Variants in TRERF1 observed in about 807,000 individuals in gnomAD.
TRERF1 encodes transcriptional-regulating factor 1.
A neutral mutation model predicts 122.9 loss-of-function variants in TRERF1; 27 were observed. That is an observed-to-expected ratio of 0.22 (90% CI 0.16 to 0.30). The LOEUF is 0.30. TRERF1 is among the 10% of genes least tolerant of loss of function. The probability of loss-of-function intolerance (pLI) is 1.00; values close to 1 mark genes in which losing one functional copy is unlikely to be tolerated. For synonymous variants in TRERF1, 636 were observed against 641.7 expected (o/e 0.99, Z 0.13); for missense variants, 1,248 against 1,560.3 (o/e 0.80, Z 3.37).
chr6:42,277,880 AGAAG>A lies in TRERF1; in HGVS notation c.-258-8036_-258-8033del, dbSNP rs1488821526. 2.4e-4 allele frequency among the ~76,000 whole-genome samples: 32 copies of A among 133,036 alleles called. 1 individual carries two copies. Among genetic ancestry groups the A allele is most frequent in the African/African-American group, 5.9e-4 (19 of 32,260 alleles). 87.3% of individuals were successfully genotyped at this position (133,036 alleles called of 152,430 possible). A position where few individuals can be genotyped will look rare whatever the true frequency, so the allele number is the denominator to read the frequency against. On this transcript the variant is annotated intron_variant, in intron 4 of 17. Coordinates refer to ENST00000372922, the Ensembl canonical transcript of TRERF1. Reference sequence around the variant, plus strand: ...AAGAAGGAAGAAGGAAGAAGAAGGAAGAAGGAAGAAGGAAGAAGGAAGAAGGAAG... The same window carrying A: ...AAGAAGGAAGAAGGAAGAAGAAGGAAGAAGAAGGAAGAAGGAAGAAGGAAG...
At chr6:42,389,952 G>A (rs890475416) in intron 2 of TRERF1, among the ~76,000 whole-genome samples, 2 of 152,248 alleles carry the variant, frequency 1.3e-5, no homozygotes, top group African/African-American at 4.8e-5. Flanking sequence ...CCTTGTATGT[G>A]TGAAATGTGC....
At chr6:42,236,721 G>A (rs1016706648) in intron 15 of TRERF1, among the ~76,000 whole-genome samples, 19 of 152,194 alleles carry the variant, frequency 1.2e-4, no homozygotes, top group African/African-American at 3.6e-4. Flanking sequence ...CACCTTGTTC[G>A]AGACTATCAG....
At chr6:42,329,393 G>A (rs1169171246) in intron 3 of TRERF1, among the ~76,000 whole-genome samples, 1 of 152,058 alleles carries the variant, frequency 6.6e-6, no homozygotes, top group Non-Finnish European at 1.5e-5. Flanking sequence ...TTCAAGGTGG[G>A]TCTTGGAACG....
At chr6:42,343,189 G>T (rs1477108150) in intron 3 of TRERF1, among the ~76,000 whole-genome samples, 1 of 152,172 alleles carries the variant, frequency 6.6e-6, no homozygotes, top group African/African-American at 2.4e-5. Context: ...AAACCCACAA[G>T]ATGGTAAGAA....
intron 2 of TRERF1, among the ~76,000 whole-genome samples, chr6:42,410,697 T>C (rs1167577901): frequency 6.6e-6 from 1 of 152,080 alleles, no homozygotes; most frequent in Non-Finnish European, 1.5e-5. Flanking sequence ...TCAATGGCCA[T>C]GTGTCTGATT....
chr6:42,302,155 A>G (rs1786324155), intron 3 of TRERF1, among the ~76,000 whole-genome samples: 2 of 152,342 alleles, frequency 1.3e-5, no homozygotes, highest in Admixed American at 6.5e-5. Flanking sequence ...ATCTATTAAA[A>G]TGCACTGGGA....
chr6:42,398,799 T>G (rs577555371), intron 2 of TRERF1, among the ~76,000 whole-genome samples: 2 of 152,236 alleles, frequency 1.3e-5, no homozygotes, highest in South Asian at 4.1e-4. Context: ...GTAAAATGCA[T>G]GATCAAAGCA....
At chr6:42,356,529 T>A (rs1025913174) in intron 3 of TRERF1, among the ~76,000 whole-genome samples, 6 of 152,254 alleles carry the variant, frequency 3.9e-5, no homozygotes, top group Non-Finnish European at 8.8e-5. Context: ...CTGAGCACCT[T>A]GATCTTGGAC....
At position 42,360,786 on chromosome 6, in the gene TRERF1, A is replaced by C. The variant is rs1022907648; in HGVS notation, c.-371+2211T>G. On this transcript the variant is annotated intron_variant, in intron 3 of 17. Coordinates refer to ENST00000372922, the Ensembl canonical transcript of TRERF1. ...GTGGAGAGATTAAAAAAAAAAAAAA[A>C]AAAAAAAAAAAAAAAACCTGGATGG... Among the ~76,000 whole-genome samples, 11 of 140,330 alleles carry C rather than the reference A, an allele frequency of 7.8e-5. No individual in the cohort carries two copies. In the South Asian group the frequency reaches 2.2e-3, roughly 28 times the overall value. The allele number at this position is 140,330 out of a possible 152,430, so 92.1% of individuals were successfully genotyped here. A position where few individuals can be genotyped will look rare whatever the true frequency, so the allele number is the denominator to read the frequency against.
At chr6:42,405,640 C>T (rs1299005881) in intron 2 of TRERF1, among the ~76,000 whole-genome samples, 1 of 151,662 alleles carries the variant, frequency 6.6e-6, no homozygotes, top group Non-Finnish European at 1.5e-5. Flanking sequence ...CAAACAAATA[C>T]AAAAATTAGC....
intron 3 of TRERF1, among the ~76,000 whole-genome samples, chr6:42,355,811 A>T (rs1770431420): frequency 6.6e-6 from 1 of 152,230 alleles, no homozygotes; most frequent in Non-Finnish European, 1.5e-5. Flanking sequence ...TTCCCCCATG[A>T]AAAGGGAGTA....
At chr6:42,280,662 C>T in intron 4 of TRERF1, among the ~76,000 whole-genome samples, 2 of 152,026 alleles carry the variant, frequency 1.3e-5, no homozygotes, top group East Asian at 3.9e-4. Flanking sequence ...AGTGAGGCTC[C>T]TCATTCAAGG....
intron 3 of TRERF1, among the ~76,000 whole-genome samples, chr6:42,342,925 C>T (rs563409622): frequency 7.1e-4 from 108 of 152,308 alleles, no homozygotes; most frequent in African/African-American, 1.9e-3. Context: ...TTAAAGTTGG[C>T]ATGCCATCCT....
chr6:42,303,342 T>C (rs561632473), intron 3 of TRERF1, among the ~76,000 whole-genome samples: 1 of 152,316 alleles, frequency 6.6e-6, no homozygotes, highest in South Asian at 2.1e-4. Context: ...TGCCAGAAGA[T>C]GGACTAGCAT....
intron 2 of TRERF1, among the ~76,000 whole-genome samples, chr6:42,405,476 G>A (rs1193847198): frequency 6.6e-6 from 1 of 152,130 alleles, no homozygotes; most frequent in Non-Finnish European, 1.5e-5. Flanking sequence ...AAAATGCCTG[G>A]CACACAGAAG....
chr6:42,339,363 T>C (rs973155644), intron 3 of TRERF1, among the ~76,000 whole-genome samples: 4 of 152,208 alleles, frequency 2.6e-5, no homozygotes, highest in Admixed American at 2.6e-4. Context: ...TGCTCCTTTT[T>C]TCCTTCATCT....
intron 2 of TRERF1, among the ~76,000 whole-genome samples, chr6:42,404,092 T>C (rs971698142): frequency 6.6e-6 from 1 of 151,584 alleles, no homozygotes; most frequent in Non-Finnish European, 1.5e-5. Flanking sequence ...CTGGGAGTCT[T>C]GAGTACTAGA....
At chr6:42,319,998 T>C (rs1763135247) in intron 3 of TRERF1, among the ~76,000 whole-genome samples, 1 of 151,630 alleles carries the variant, frequency 6.6e-6, no homozygotes, top group African/African-American at 2.4e-5. Context: ...GCCTCCTGGG[T>C]TCAAGCAATT....
chr6:42,370,161 C>T (rs1773508281), intron 2 of TRERF1, among the ~76,000 whole-genome samples: 1 of 152,096 alleles, frequency 6.6e-6, no homozygotes, highest in Non-Finnish European at 1.5e-5. Context: ...CCCTACCATT[C>T]GAATTTGGGA....
Sources: allele counts gnomAD v4.1 joint callset (sites outside exome capture counted in the v4.1 genomes callset), GRCh38; gene constraint gnomAD v4.1.1; transcripts MANE v1.5; gene names NCBI Gene and HGNC (gene_info 2026-07-23, HGNC 2026-07-21).